THRB: variants seen among roughly 807,000 people sequenced by gnomAD.
The protein encoded by THRB is thyroid hormone receptor beta.
Under a neutral mutation model 47.8 loss-of-function variants are expected in THRB, and 12 were observed. The observed-to-expected ratio is 0.25, with a 90% CI of 0.16 to 0.41. The LOEUF is 0.41. THRB is among the 10% of genes least tolerant of loss of function. THRB has a pLI of 1.00. For synonymous variants in THRB, 218 were observed against 212.2 expected, an observed-to-expected ratio of 1.03 and a Z score of -0.24; for missense variants, 348 against 589.2, an observed-to-expected ratio of 0.59 and a Z score of 4.24.
chr3:24,204,723 T>A (rs537206799), intron 4 of THRB, among the ~76,000 whole-genome samples: 1 of 152,190 alleles, frequency 6.6e-6, no homozygotes, highest in Non-Finnish European at 1.5e-5. Flanking sequence ...GGAGGAAATT[T>A]GAACCCATCA....
chr3:24,239,241 C>G (rs1034711942), intron 3 of THRB, among the ~76,000 whole-genome samples: 2 of 152,086 alleles, frequency 1.3e-5, no homozygotes, highest in African/African-American at 4.8e-5. Context: ...TGCATTCAGT[C>G]GCACATTAGG....
intron 1 of THRB, among the ~76,000 whole-genome samples, chr3:24,447,096 C>G (rs952376249): frequency 1.3e-5 from 2 of 152,116 alleles, no homozygotes; most frequent in Non-Finnish European, 2.9e-5. Context: ...AACTATTTAG[C>G]AACATATATT....
At position 24,288,018 on chromosome 3, in the gene THRB, A is replaced by T. The variant is rs149394320; in HGVS notation, c.-43+9208T>A. On this transcript the variant is annotated intron_variant, in intron 3 of 10. Coordinates refer to ENST00000646209, the MANE Select transcript of THRB (RefSeq NM_001354712.2). ...AAGCTGTGGTTCCAAAGTTGCACTG[A>T]ATAGGATTCTGATTTGGTACATTAA... is the stretch of plus-strand genomic sequence containing the variant. Among the ~76,000 whole-genome samples the T allele has an allele frequency of 1.4e-3, 213 of 152,350 alleles. 1 individual carries two copies. Among genetic ancestry groups the T allele is most frequent in the African/African-American group, 5.0e-3 (207 of 41,580 alleles).
At chr3:24,365,835 T>C (rs1373034296) in intron 1 of THRB, among the ~76,000 whole-genome samples, 1 of 152,170 alleles carries the variant, frequency 6.6e-6, no homozygotes, top group African/African-American at 2.4e-5. Context: ...TAGAAGCTCA[T>C]GAGGAATACT....
chr3:24,331,989 A>T (rs2061958629), intron 2 of THRB, among the ~76,000 whole-genome samples: 1 of 152,122 alleles, frequency 6.6e-6, no homozygotes, highest in East Asian at 1.9e-4. Flanking sequence ...ATTGTGACCA[A>T]GTCTGCTAGG....
intron 2 of THRB, among the ~76,000 whole-genome samples, chr3:24,315,053 C>G (rs2058024103): frequency 6.6e-6 from 1 of 152,168 alleles, no homozygotes; most frequent in African/African-American, 2.4e-5. Context: ...TCTTTTAATT[C>G]CAATTCAGGA....
intron 4 of THRB, among the ~76,000 whole-genome samples, chr3:24,207,771 T>G (rs1053740139): frequency 1.3e-5 from 2 of 152,200 alleles, no homozygotes; most frequent in Non-Finnish European, 2.9e-5. Context: ...AAGCATTCCC[T>G]TTGAAAACTG....
At chr3:24,467,996 T>C (rs2074284483) in intron 1 of THRB, among the ~76,000 whole-genome samples, 1 of 152,248 alleles carries the variant, frequency 6.6e-6, no homozygotes, top group African/African-American at 2.4e-5. Flanking sequence ...TGTTGTTTGG[T>C]GTAGCTATTT....
chr3:24,428,150 T>C (rs1277461037), intron 1 of THRB, among the ~76,000 whole-genome samples: 1 of 152,014 alleles, frequency 6.6e-6, no homozygotes, highest in East Asian at 1.9e-4. Flanking sequence ...TATACTAAGC[T>C]TCAGTCTTCA....
intron 4 of THRB, among the ~76,000 whole-genome samples, chr3:24,212,084 T>C (rs1412007034): frequency 1.3e-5 from 2 of 152,008 alleles, no homozygotes; most frequent in Admixed American, 6.5e-5. Flanking sequence ...GCCAACATGG[T>C]GAAACCCTGT....
At chr3:24,409,033 A>G (rs1336327183) in intron 1 of THRB, among the ~76,000 whole-genome samples, 3 of 151,840 alleles carry the variant, frequency 2.0e-5, no homozygotes, top group Non-Finnish European at 4.4e-5. Flanking sequence ...AAAACCCTCA[A>G]TGTAATTACA....
chr3:24,489,051 C>T (rs1022997432), intron 1 of THRB, among the ~76,000 whole-genome samples: 1 of 151,932 alleles, frequency 6.6e-6, no homozygotes. Flanking sequence ...GTCAGGAGAT[C>T]GAGACCATCC....
Position 24,429,078 on chromosome 3 carries a change from C to T in THRB, c.-261+65574G>A, listed in dbSNP as rs1378235475. Among the ~76,000 whole-genome samples, 2 of 151,532 alleles carry T rather than the reference C, an allele frequency of 1.3e-5. 1 individual carries two copies. Among genetic ancestry groups the T allele is most frequent in the African/African-American group, 4.8e-5 (2 of 41,298 alleles). On this transcript the variant is annotated intron_variant, in intron 1 of 10. Transcript: ENST00000646209. ...AGGGGAGAAACGTAGGTTTGGAAAA[C>T]AATATCCCATAAAATAGCCATAAAA...
chr3:24,154,314 C>T (rs184828432), intron 5 of THRB, among the ~76,000 whole-genome samples: 9 of 152,278 alleles, frequency 5.9e-5, no homozygotes, highest in African/African-American at 2.2e-4. Flanking sequence ...CGCGTTCATT[C>T]AGTCATTTAT....
chr3:24,215,455 G>C (rs1401050242), intron 4 of THRB, among the ~76,000 whole-genome samples: 1 of 152,190 alleles, frequency 6.6e-6, no homozygotes, highest in African/African-American at 2.4e-5. Flanking sequence ...AACTCCAACA[G>C]CAACCAGGAA....
At chr3:24,226,575 C>T (rs564456631) in intron 4 of THRB, among the ~76,000 whole-genome samples, 2 of 152,286 alleles carry the variant, frequency 1.3e-5, no homozygotes, top group South Asian at 2.1e-4. Context: ...GCTCAGTCTG[C>T]GAGGAAAGCA....
intron 2 of THRB, among the ~76,000 whole-genome samples, chr3:24,322,133 A>G (rs775759237): frequency 1.6e-4 from 25 of 152,204 alleles, no homozygotes; most frequent in Non-Finnish European, 2.9e-4. Flanking sequence ...TTTAAGGCAT[A>G]TTTATAATGT....
At position 24,141,180 on chromosome 3, in the gene THRB, G is replaced by A. The variant is rs113013088; in HGVS notation, c.738+2321C>T. On this transcript the variant is annotated intron_variant, in intron 8 of 10. Coordinates refer to ENST00000646209, the MANE Select transcript of THRB (RefSeq NM_001354712.2). ...TGTGCATGGGTAATCTCATGGTTCTGACAGAAGCCTAATGGCAAATCATTC... is the reference window on the plus strand; with the variant it reads ...TGTGCATGGGTAATCTCATGGTTCTAACAGAAGCCTAATGGCAAATCATTC... Among the ~76,000 whole-genome samples, 487 of 152,356 alleles carry A rather than the reference G, an allele frequency of 3.2e-3. 4 individuals carry two copies. Among genetic ancestry groups the A allele is most frequent in the African/African-American group, 0.011 (459 of 41,574 alleles).
intron 1 of THRB, among the ~76,000 whole-genome samples, chr3:24,413,210 T>G (rs2068457318): frequency 6.6e-6 from 1 of 151,938 alleles, no homozygotes; most frequent in African/African-American, 2.4e-5. Flanking sequence ...ATCATTGTGA[T>G]GCATCCAGCA....
Sources: gnomAD v4.1 joint callset for allele counts (sites outside exome capture counted in the v4.1 genomes callset) on GRCh38, gnomAD v4.1.1 for gene constraint, MANE v1.5 for transcripts, NCBI Gene and HGNC (gene_info 2026-07-23, HGNC 2026-07-21) for gene names.